TBC1D4: variants seen among roughly 807,000 people sequenced by gnomAD.
TBC1D4 encodes the protein TBC1 domain family member 4.
A neutral mutation model predicts 142.5 loss-of-function variants in TBC1D4; 121 were observed. The observed-to-expected ratio is 0.85, with a 90% CI of 0.73 to 0.99. The LOEUF (loss-of-function observed/expected upper bound fraction) is 0.99. TBC1D4 is among the 50% of genes least tolerant of loss of function. The pLI is 0.00. For synonymous variants in TBC1D4, 630 were observed against 628.2 expected (o/e 1.00, Z -0.04); for missense variants, 1,475 against 1,606.6 (o/e 0.92, Z 1.40).
At chr13:75,377,395 G>C (rs1883575421) in intron 1 of TBC1D4, 1 of 152,070 alleles carries the variant, frequency 6.6e-6, no homozygotes, top group Non-Finnish European at 1.5e-5. Flanking sequence ...ACCATGCTTT[G>C]AATCTGCTAA....
In TBC1D4 at chr13:75,441,933, G is replaced by T. The variant is rs573318137; in HGVS notation, c.498+39337C>A. On this transcript the variant is annotated intron_variant, in intron 1 of 20. Transcript: ENST00000377636. ...TCTGTAACACTTCTTTGTATCCAAT[G>T]GCATGGTGTAGCTGCACTCAATGTT... Among the ~76,000 whole-genome samples the T allele has an allele frequency of 4.6e-5, 7 of 152,290 alleles. No individual in the cohort carries two copies. The South Asian group carries it at 1.4e-3, about 32-fold the overall frequency.
Position 75,362,505 on chromosome 13 carries a change from T to C in TBC1D4, c.601A>G (p.Lys201Glu). 6.2e-7 allele frequency: 1 copy of C among 1,614,218 alleles called. No individual in the cohort carries two copies. The highest frequency in any genetic ancestry group is 8.5e-7 in the Non-Finnish European group (1 of 1,180,042). ...TTTCCACAGTACAGGACTTCGAACT[T>C]CTGAGAGTTGTAAAAGGCGTCCTCA... ...DNEDAFYNSQ[K>E]FEVLYCGKVT... is the part of the protein sequence containing the mutation. Residue 201 changes from lysine to glutamate, a missense_variant, in exon 2 of 21, where the codon AAG becomes GAG. Lys to Glu is a moderately conservative substitution (Grantham distance 56). This residue lies in a region of TBC1D4 where 1,227 missense variants were observed against 1,267.7 expected (regional missense o/e 0.97). Coordinates refer to ENST00000377636, the MANE Select transcript of TBC1D4 (RefSeq NM_014832.5). This position sits in a 1 kb window ranked among gnomAD's most constrained non-coding sequence, Gnocchi z 4.2.
chr13:75,330,892 T>C (rs759721994), intron 8 of TBC1D4, among the ~76,000 whole-genome samples: 44 of 152,204 alleles, frequency 2.9e-4, no homozygotes, highest in Non-Finnish European at 5.7e-4. Flanking sequence ...AAGATGAGAT[T>C]GCTGTTATTT....
chr13:75,382,112 T>G (rs1883889797), intron 1 of TBC1D4, among the ~76,000 whole-genome samples: 2 of 152,190 alleles, frequency 1.3e-5, no homozygotes, highest in Non-Finnish European at 2.9e-5. Flanking sequence ...CGATTAGCTC[T>G]TTGTTAATAT....
intron 7 of TBC1D4, among the ~76,000 whole-genome samples, chr13:75,340,165 T>C: frequency 6.6e-6 from 1 of 152,314 alleles, no homozygotes; most frequent in East Asian, 1.9e-4. Context: ...TTCCATCACA[T>C]AGTTTAACTC....
At chr13:75,386,104 A>G (rs1344804660) in intron 1 of TBC1D4, among the ~76,000 whole-genome samples, 1 of 152,214 alleles carries the variant, frequency 6.6e-6, no homozygotes, top group Admixed American at 6.5e-5. Context: ...GGATGAGTGA[A>G]GTTAACACAC....
intron 1 of TBC1D4, among the ~76,000 whole-genome samples, chr13:75,469,725 C>T (rs1183116286): frequency 6.6e-6 from 1 of 152,038 alleles, no homozygotes; most frequent in African/African-American, 2.4e-5. Context: ...CAGTGAGCTA[C>T]GACTGCACCA....
chr13:75,422,428 A>T (rs1489997284), intron 1 of TBC1D4, among the ~76,000 whole-genome samples: 1 of 152,206 alleles, frequency 6.6e-6, no homozygotes, highest in East Asian at 1.9e-4. Context: ...TGAAAAACAC[A>T]TTACTCTGGT....
Position 75,356,140 on chromosome 13 carries a change from T to C in TBC1D4, c.1275+7A>G, listed in dbSNP as rs761960682. The C allele has an allele frequency of 1.2e-6, 2 of 1,607,630 alleles. No individual in the cohort carries two copies. The highest frequency in any genetic ancestry group is 1.1e-5 in the South Asian group (1 of 90,782). ...AGGAGCAGGCAGACAGCAATAACAC[T>C]ACTTACCAGAGATTCGCTGGCACAC... On this transcript the variant is annotated splice_region_variant and intron_variant, in intron 4 of 20. Transcript: ENST00000377636.
chr13:75,287,617 C>A (rs1874824357), intron 20 of TBC1D4, among the ~76,000 whole-genome samples: 1 of 146,344 alleles, frequency 6.8e-6, no homozygotes, highest in Non-Finnish European at 1.5e-5. Flanking sequence ...ATATACTAAC[C>A]ATTTAGTTTT....
intron 1 of TBC1D4, among the ~76,000 whole-genome samples, chr13:75,399,707 C>T (rs1192834713): frequency 2.0e-5 from 3 of 152,146 alleles, no homozygotes; most frequent in Admixed American, 1.3e-4. Context: ...ATTAAATATG[C>T]ACCCATAAAT....
At chr13:75,419,791 A>C (rs1886085251) in intron 1 of TBC1D4, among the ~76,000 whole-genome samples, 1 of 152,214 alleles carries the variant, frequency 6.6e-6, no homozygotes, top group African/African-American at 2.4e-5. Context: ...TCCACACTAC[A>C]TGCTATGAGA....
At chr13:75,331,110 C>T (rs1433812624) in intron 8 of TBC1D4, among the ~76,000 whole-genome samples, 3 of 152,154 alleles carry the variant, frequency 2.0e-5, no homozygotes, top group Non-Finnish European at 4.4e-5. Flanking sequence ...TACTCTACCA[C>T]TTCACACATT....
chr13:75,387,431 A>G (rs1884243017), intron 1 of TBC1D4, among the ~76,000 whole-genome samples: 1 of 152,210 alleles, frequency 6.6e-6, no homozygotes, highest in South Asian at 2.1e-4. Context: ...ATTCTGTCCC[A>G]TTGAAATCCA....
intron 18 of TBC1D4, among the ~76,000 whole-genome samples, chr13:75,294,192 A>G (rs1875637543): frequency 6.6e-6 from 1 of 152,196 alleles, no homozygotes; most frequent in African/African-American, 2.4e-5. Flanking sequence ...TCCAAAGGGG[A>G]CATAAACCAT....
chr13:75,373,779 TC>T (rs1225370099), intron 1 of TBC1D4, among the ~76,000 whole-genome samples: 1 of 152,182 alleles, frequency 6.6e-6, no homozygotes, highest in Non-Finnish European at 1.5e-5. Flanking sequence ...AAGGTTCTGA[TC>T]AGAAAAGGCA....
intron 5 of TBC1D4, among the ~76,000 whole-genome samples, chr13:75,348,788 C>G (rs1881351095): frequency 2.0e-5 from 3 of 152,128 alleles, no homozygotes; most frequent in Admixed American, 6.6e-5. Context: ...AAACACTTGA[C>G]ATTCTGTGAT....
chr13:75,463,861 T>C (rs1329082536), intron 1 of TBC1D4, among the ~76,000 whole-genome samples: 5 of 152,120 alleles, frequency 3.3e-5, no homozygotes, highest in Non-Finnish European at 1.5e-5. Flanking sequence ...ATCTACCCAT[T>C]AGTAAAAAAA....
chr13:75,443,263 A>G (rs924959089), intron 1 of TBC1D4, among the ~76,000 whole-genome samples: 1 of 152,252 alleles, frequency 6.6e-6, no homozygotes, highest in Non-Finnish European at 1.5e-5. Context: ...TTCTAAAGGA[A>G]CATAAAAATA....
Sources: allele counts gnomAD v4.1 joint callset (sites outside exome capture counted in the v4.1 genomes callset), GRCh38; gene constraint gnomAD v4.1.1; regional missense constraint gnomAD v4.1.1; non-coding constraint Gnocchi (gnomAD v3.1); transcripts MANE v1.5; gene names NCBI Gene and HGNC (gene_info 2026-07-23, HGNC 2026-07-21).